The following ANKAR variants were observed in gnomAD, a reference collection of about 807,000 sequenced individuals.
The protein encoded by ANKAR is ankyrin and armadillo repeat containing.
A neutral mutation model predicts 146.2 loss-of-function variants in ANKAR; 136 were observed. The ratio of observed to expected loss-of-function variants is 0.93; its 90% CI spans 0.81 to 1.07. ANKAR has a LOEUF of 1.07. Among genes scored for constraint, ANKAR ranks in the 50% least tolerant of loss-of-function variants. The pLI, the probability that ANKAR is intolerant of heterozygous loss-of-function variation, is 0.00. For missense variants in ANKAR, 1,567 were observed against 1,679.9 expected, an observed-to-expected ratio of 0.93 and a Z score of 1.18; for synonymous variants, 500 against 575.8, an observed-to-expected ratio of 0.87 and a Z score of 1.88.
In ANKAR at chr2:189,741,519, G is replaced by A; in HGVS notation, c.3810+68G>A. On this transcript the variant is annotated intron_variant, in intron 20 of 22. Coordinates refer to ENST00000684021, the MANE Select transcript of ANKAR (RefSeq NM_001378068.1). ...AAATATAATTTACCTCTCCCTCTGT[G>A]GACTAATTTTTCCACTGATTGACTG... The A allele has an allele frequency of 6.8e-6, 8 of 1,180,078 alleles. No homozygotes were observed. The South Asian group carries it at 8.9e-5, about 13-fold the overall frequency. The allele number at this position is 1,180,078 out of a possible 1,614,324, so 73.1% of individuals were successfully genotyped here.
chr2:189,750,048 A>G (rs1478643469), downstream of ANKAR, among the ~76,000 whole-genome samples: 1 of 152,168 alleles, frequency 6.6e-6, no homozygotes, highest in Non-Finnish European at 1.5e-5. Context: ...GCTTGAACCC[A>G]GAAGGTAGAG....
chr2:189,757,536 A>C (rs980279661), intron 18 of ANKAR, among the ~76,000 whole-genome samples: 1 of 152,392 alleles, frequency 6.6e-6, no homozygotes, highest in South Asian at 2.1e-4. Context: ...CTTAATATTC[A>C]CAACATTAAT....
intron 13 of ANKAR, 68 bp from the exon 14 acceptor site, chr2:189,728,199 T>G (rs2042068226): frequency 6.6e-7 from 1 of 1,505,850 alleles, no homozygotes; most frequent in Non-Finnish European, 8.9e-7. Context: ...ATAAACATTT[T>G]ATAAAATATG....
rs148007061 is a variant in ANKAR, at chr2:189,728,067, G to A, written c.2847G>A (p.Ser949=). 387 of 1,612,730 alleles carry A rather than the reference G, an allele frequency of 2.4e-4. No homozygotes were observed. Among genetic ancestry groups the A allele is most frequent in the South Asian group, 1.8e-4 (16 of 90,906 alleles). ...ALIQKAFLEK[S]LTKYLLKLLK... is the part of the protein sequence containing the mutation. Reference sequence around the variant, plus strand: ...TACAGAAAGCATTTCTGGAAAAATCGTTAACTAAATATCTTTTAAAACTCC... The same window carrying A: ...TACAGAAAGCATTTCTGGAAAAATCATTAACTAAATATCTTTTAAAACTCC... The change falls in exon 13 of 23, where the codon TCG becomes TCA. Residue 949 remains serine (S), a synonymous_variant. Transcript: ENST00000684021.
At position 189,746,425 on chromosome 2, in the gene ANKAR, A is replaced by C; in HGVS notation, c.4103A>C (p.Asp1368Ala). 1 of 1,607,446 alleles carries C rather than the reference A, an allele frequency of 6.2e-7. No individual in the cohort carries two copies. Residue 1368 changes from aspartate to alanine, a missense_variant, in exon 23 of 23, where the codon GAT (aspartate) becomes GCT (alanine). Coordinates refer to ENST00000684021, the MANE Select transcript of ANKAR (RefSeq NM_001378068.1). ...RKLKPKIQPK[D>A]SLTLLPPVTN... is the part of the protein sequence containing the mutation. ...TTAAAACCTAAAATTCAACCAAAAG[A>C]TTCTTTGACTTTATTACCTCCTGTA...
chr2:189,686,167 G>T (rs914133365), intron 2 of ANKAR, among the ~76,000 whole-genome samples: 1 of 151,844 alleles, frequency 6.6e-6, no homozygotes, highest in African/African-American at 2.4e-5. Flanking sequence ...GAATTATAGT[G>T]GCCATTTTAA....
chr2:189,737,551 C>T, intron 17 of ANKAR, 132 bp from the exon 18 acceptor site: 1 of 745,090 alleles, frequency 1.3e-6, no homozygotes, highest in Non-Finnish European at 2.0e-6. Flanking sequence ...TATCTCTTTT[C>T]CCTAGTAATG....
chr2:189,743,024 T>A (rs1380926162), intron 20 of ANKAR, among the ~76,000 whole-genome samples: 2 of 149,438 alleles, frequency 1.3e-5, no homozygotes, highest in Non-Finnish European at 1.5e-5. Context: ...TTTTTTTTTT[T>A]AAACACTCCA....
Position 189,733,229 on chromosome 2 carries a change from G to A in ANKAR, c.3423G>A (p.Lys1141=). The change falls in exon 17 of 23, where the codon AAG becomes AAA. Residue 1141 remains lysine, a splice_region_variant and synonymous_variant. Coordinates refer to ENST00000684021, the MANE Select transcript of ANKAR (RefSeq NM_001378068.1). ...TTTATCTTCTTCACTCAACAGAAAA[G>A]GTAATACCTTTACAAAATATTGAGG... is the stretch of plus-strand genomic sequence containing the variant. ...DVLYLLHSTE[K]DICLRAGYAL... is the part of the protein sequence containing the mutation. 1 of 1,580,394 alleles carries A rather than the reference G, an allele frequency of 6.3e-7. No homozygotes were observed. The highest frequency in any genetic ancestry group is 2.3e-5 in the East Asian group (1 of 44,202).
intron 3 of ANKAR, 125 bp from the exon 4 acceptor site, chr2:189,692,130 G>A (rs1468944463): frequency 1.3e-6 from 1 of 764,864 alleles, no homozygotes; most frequent in Admixed American, 3.5e-5. Context: ...CACTATAATT[G>A]CCAAGATTTT....
chr2:189,722,107 G>A (rs1483210896), intron 12 of ANKAR, among the ~76,000 whole-genome samples: 1 of 152,102 alleles, frequency 6.6e-6, no homozygotes, highest in Non-Finnish European at 1.5e-5. Context: ...TATTTTGGGA[G>A]GCTGAGGCAG....
At chr2:189,698,647 G>A (rs2037602657) in intron 7 of ANKAR, among the ~76,000 whole-genome samples, 1 of 152,204 alleles carries the variant, frequency 6.6e-6, no homozygotes, top group African/African-American at 2.4e-5. Context: ...GAATTGTCAA[G>A]GGGGAGGGGA....
intron 6 of ANKAR, 94 bp from the exon 7 acceptor site, chr2:189,696,056 C>T (rs2037150990): frequency 1.9e-6 from 2 of 1,054,998 alleles, no homozygotes; most frequent in Non-Finnish European, 2.8e-6. Flanking sequence ...TAACAGCATT[C>T]ATGTGATTCT....
At chr2:189,755,018 A>T in intron 18 of ANKAR, 1 of 804,484 alleles carries the variant, frequency 1.2e-6, no homozygotes, top group Non-Finnish European at 1.9e-6. Context: ...ATTGTGTACT[A>T]CTCTTTCTAT....
chr2:189,727,212 A>C (rs1008515100), intron 12 of ANKAR, among the ~76,000 whole-genome samples: 2 of 152,332 alleles, frequency 1.3e-5, no homozygotes, highest in Middle Eastern at 3.4e-3. Flanking sequence ...CAGCTATCAA[A>C]TTAGCAAAGT....
intron 17 of ANKAR, among the ~76,000 whole-genome samples, chr2:189,736,538 GTA>G (rs1437663789): frequency 6.7e-5 from 9 of 134,512 alleles, no homozygotes; most frequent in East Asian, 2.2e-4. Flanking sequence ...GTGTGTGTGT[GTA>G]TGTGATTTTT....
chr2:189,750,776 G>A, downstream of ANKAR: 1 of 663,404 alleles, frequency 1.5e-6, no homozygotes, highest in Non-Finnish European at 2.4e-6. Flanking sequence ...CATCATATGT[G>A]GTGATGATTC....
intron 10 of ANKAR, among the ~76,000 whole-genome samples, chr2:189,715,655 A>C (rs1008400131): frequency 6.6e-6 from 1 of 152,228 alleles, no homozygotes; most frequent in Non-Finnish European, 1.5e-5. Context: ...TTTTAGACCA[A>C]TATCCCTGAT....
At chr2:189,709,061 A>G (rs576453260) in intron 9 of ANKAR, among the ~76,000 whole-genome samples, 35 of 152,304 alleles carry the variant, frequency 2.3e-4, no homozygotes, top group Admixed American at 2.3e-3. Context: ...AGATCGTGCC[A>G]CTACAGTCCA....
Sources: allele counts gnomAD v4.1 joint callset (sites outside exome capture counted in the v4.1 genomes callset), GRCh38; gene constraint gnomAD v4.1.1; transcripts MANE v1.5; gene names NCBI Gene and HGNC (gene_info 2026-07-23, HGNC 2026-07-21).